SATB2: variants seen among roughly 807,000 people sequenced by gnomAD.
SATB2 encodes the protein DNA-binding protein SATB2.
A neutral mutation model predicts 73.4 loss-of-function variants in SATB2; 1 was observed. The ratio of observed to expected loss-of-function variants is 0.01; its 90% confidence interval spans 0.00 to 0.06. The LOEUF (loss-of-function observed/expected upper bound fraction) is 0.06. SATB2 is among the 10% of genes least tolerant of loss of function. The probability of loss-of-function intolerance (pLI) is 1.00; values close to 1 mark genes in which losing one functional copy is unlikely to be tolerated. For missense variants in SATB2, 459 were observed against 945.8 expected (o/e 0.49, Z 6.75); for synonymous variants, 397 against 367.0 (o/e 1.08, Z -0.93).
At chr2:199,431,994 T>G (rs892095894) in intron 3 of SATB2, among the ~76,000 whole-genome samples, 5 of 152,196 alleles carry the variant, frequency 3.3e-5, no homozygotes, top group African/African-American at 1.2e-4. Context: ...GTGCCCAGTA[T>G]GCAATTTGCT....
chr2:199,274,340 G>A (rs1458921649), intron 10 of SATB2, among the ~76,000 whole-genome samples: 1 of 151,378 alleles, frequency 6.6e-6, no homozygotes, highest in Non-Finnish European at 1.5e-5. Flanking sequence ...TGAAACATCA[G>A]CATCAAAGCA....
At chr2:199,372,698 A>C (rs1197934271) in intron 5 of SATB2, among the ~76,000 whole-genome samples, 1 of 152,194 alleles carries the variant, frequency 6.6e-6, no homozygotes, top group Admixed American at 6.5e-5. Context: ...CACCTCCATC[A>C]GCGACCCCAA....
In SATB2 at chr2:199,463,038, G is replaced by A. The variant is rs922369575; in HGVS notation, c.-141+1798C>T. On this transcript the variant is annotated intron_variant, in intron 1 of 11. Coordinates refer to the SATB2 transcript ENST00000260926. This position sits in a 1 kb window ranked among gnomAD's most constrained non-coding sequence, Gnocchi z 6.4. ...CTGGGGGAAGAAAGCGAGGAGATAG[G>A]TTTCAGAGCTGGGGGAGTCGTTGGT... 2.6e-5 allele frequency among the ~76,000 whole-genome samples: 4 copies of A among 152,150 alleles called. No homozygotes were observed. Among genetic ancestry groups the A allele is most frequent in the Non-Finnish European group, 5.9e-5 (4 of 68,022 alleles).
At chr2:199,402,831 G>A (rs895901547) in intron 3 of SATB2, among the ~76,000 whole-genome samples, 2 of 152,016 alleles carry the variant, frequency 1.3e-5, no homozygotes, top group Non-Finnish European at 2.9e-5. Context: ...GAATATCTTA[G>A]AACACTCAGA....
At chr2:199,285,340 A>G (rs893402465) in intron 10 of SATB2, among the ~76,000 whole-genome samples, 1 of 150,138 alleles carries the variant, frequency 6.7e-6, no homozygotes, top group Non-Finnish European at 1.5e-5. Flanking sequence ...AGGAGAAATT[A>G]CACATGCATT....
chr2:199,401,551 C>T lies in SATB2; in HGVS notation c.347-19731G>A, dbSNP rs543815725. On this transcript the variant is annotated intron_variant, in intron 3 of 10. Transcript: ENST00000417098. Reference sequence around the variant, plus strand: ...CAAGACTCTGTCTCAAAAAAAAAAACAAAAAGAAAGAAAGAAAATAATAGG... The same window carrying T: ...CAAGACTCTGTCTCAAAAAAAAAAATAAAAAGAAAGAAAGAAAATAATAGG... Among the ~76,000 whole-genome samples the T allele has an allele frequency of 4.7e-5, 7 of 149,084 alleles. No homozygotes were observed. The South Asian group carries it at 1.5e-3, about 32-fold the overall frequency.
At chr2:199,283,674 AAGC>A (rs571013652) in intron 10 of SATB2, among the ~76,000 whole-genome samples, 152 of 150,070 alleles carry the variant, frequency 1.0e-3, no homozygotes, top group Non-Finnish European at 1.9e-3. Context: ...GCAACAATCA[AAGC>A]AGCAGCACCA....
At chr2:199,397,146 T>C (rs1442711163) in intron 3 of SATB2, 1 of 152,188 alleles carries the variant, frequency 6.6e-6, no homozygotes, top group Non-Finnish European at 1.5e-5. Flanking sequence ...TCAGTTTTAA[T>C]TTCAGTTTAG....
At position 199,270,291 on chromosome 2, in the gene SATB2, A is replaced by G. The variant is rs1692114606; in HGVS notation, c.*1920T>C. The G allele has an allele frequency of 6.5e-6, 1 of 152,762 alleles. No individual in the cohort carries two copies. The highest frequency in any genetic ancestry group is 2.1e-4 in the South Asian group (1 of 4,830). The allele number at this position is 152,762 out of a possible 1,614,324, so 9.5% of individuals were successfully genotyped here. On this transcript the variant is annotated 3_prime_UTR_variant, in exon 11 of 11. Coordinates refer to ENST00000417098, the MANE Select transcript of SATB2 (RefSeq NM_001172509.2). ...AAACTCCAGAGGTTACTGAGCAGCTAGAATTAGCTTGTATTGCAACATGTC... is the reference window on the plus strand; with the variant it reads ...AAACTCCAGAGGTTACTGAGCAGCTGGAATTAGCTTGTATTGCAACATGTC...
intron 3 of SATB2, among the ~76,000 whole-genome samples, chr2:199,405,416 C>T (rs1264217107): frequency 1.3e-5 from 2 of 152,060 alleles, no homozygotes. Context: ...CACCAGGGGA[C>T]CCAATTCACT....
chr2:199,393,939 C>T (rs929760788), intron 3 of SATB2, among the ~76,000 whole-genome samples: 2 of 152,034 alleles, frequency 1.3e-5, no homozygotes, highest in African/African-American at 4.8e-5. Context: ...ATCATCCAGC[C>T]GACTGCACTT....
intron 10 of SATB2, among the ~76,000 whole-genome samples, chr2:199,302,048 T>C (rs774138769): frequency 8.5e-5 from 13 of 152,326 alleles, no homozygotes; most frequent in Admixed American, 2.6e-4. Flanking sequence ...ATTATTAAGC[T>C]GGAATTTGTC....
At chr2:199,359,811 T>C (rs1010478404) in intron 6 of SATB2, among the ~76,000 whole-genome samples, 1 of 152,114 alleles carries the variant, frequency 6.6e-6, no homozygotes, top group Non-Finnish European at 1.5e-5. Flanking sequence ...CTTAGAAAGG[T>C]GATACCCTGA....
At chr2:199,389,889 C>T (rs1482893868) in intron 3 of SATB2, among the ~76,000 whole-genome samples, 1 of 151,866 alleles carries the variant, frequency 6.6e-6, no homozygotes, top group African/African-American at 2.4e-5. Context: ...CAGAAACATT[C>T]TATTTTAGAA....
intron 9 of SATB2, among the ~76,000 whole-genome samples, chr2:199,313,320 A>G (rs565730695): frequency 6.6e-6 from 1 of 152,328 alleles, no homozygotes; most frequent in African/African-American, 2.4e-5. Context: ...AAAAATATAC[A>G]TGGAGCCTAA....
In SATB2 at chr2:199,314,733, G is replaced by C. The variant is rs1267644341; in HGVS notation, c.1543-5776C>G. ...AAAGATAGATTTCACCAGGTGGGGA[G>C]AGGACTGAAAGTCTAGAAATGAAGG... is the stretch of plus-strand genomic sequence containing the variant. On this transcript the variant is annotated intron_variant, in intron 9 of 10. Coordinates refer to ENST00000417098, the MANE Select transcript of SATB2 (RefSeq NM_001172509.2). Among the ~76,000 whole-genome samples, 3 of 152,134 alleles carry C rather than the reference G, an allele frequency of 2.0e-5. No homozygotes were observed. In the South Asian group the frequency reaches 6.2e-4, roughly 31 times the overall value.
chr2:199,329,047 AG>A (rs1688114324), intron 7 of SATB2, 137 bp from the exon 8 acceptor site: 1 of 719,408 alleles, frequency 1.4e-6, no homozygotes, highest in Admixed American at 2.0e-5. Flanking sequence ...CTAATTCCTT[AG>A]GGTTCTCCGA....
At chr2:199,370,655 C>T (rs1689417447) in intron 5 of SATB2, among the ~76,000 whole-genome samples, 1 of 152,138 alleles carries the variant, frequency 6.6e-6, no homozygotes, top group Non-Finnish European at 1.5e-5. Flanking sequence ...ACGACTGCAT[C>T]ATTTTGGCCC....
At chr2:199,447,385 G>T (rs557156004) in intron 2 of SATB2, among the ~76,000 whole-genome samples, 13 of 152,262 alleles carry the variant, frequency 8.5e-5, no homozygotes, top group African/African-American at 3.1e-4. Context: ...AGCAACTCAG[G>T]TTACCCCGGT....
Sources: gnomAD v4.1 joint callset for allele counts (sites outside exome capture counted in the v4.1 genomes callset) on GRCh38, gnomAD v4.1.1 for gene constraint, Gnocchi (gnomAD v3.1) non-coding constraint, MANE v1.5 for transcripts, NCBI Gene and HGNC (gene_info 2026-07-23, HGNC 2026-07-21) for gene names.